TWIST1: variants seen among roughly 807,000 people sequenced by gnomAD.
TWIST1 encodes the protein twist family bHLH transcription factor 1.
TWIST1 carries 8 observed loss-of-function variants against 12.9 expected under a neutral mutation model. That is an observed-to-expected ratio of 0.62 (90% CI 0.37 to 1.12). The LOEUF is 1.12. Among genes scored for constraint, TWIST1 ranks in the 50% most tolerant of loss-of-function variants. The pLI, the probability that TWIST1 is intolerant of heterozygous loss-of-function variation, is 0.02. For synonymous variants in TWIST1, 169 were observed against 138.7 expected, an observed-to-expected ratio of 1.22 and a Z score of -1.54; for missense variants, 268 against 299.7, an observed-to-expected ratio of 0.89 and a Z score of 0.78.
In TWIST1 at chr7:19,116,797, G is replaced by A. The variant is rs1788577845; in HGVS notation, c.525C>T (p.Cys175=). Residue 175 remains cysteine, a synonymous_variant, in exon 1 of 2, where the codon TGC becomes TGT. Coordinates refer to ENST00000242261, the MANE Select transcript of TWIST1 (RefSeq NM_000474.4). ...TGAGCCGCTCGTGAGCCACATAGCT[G>A]CAGCTTGCCATCTTGGAGTCCAGCT... The part of the protein sequence containing the change: ...SDELDSKMAS[C]SYVAHERLSY... 1.9e-6 allele frequency: 3 copies of A among 1,614,088 alleles called. No individual in the cohort carries two copies. The highest frequency in any genetic ancestry group is 4.5e-5 in the East Asian group (2 of 44,874).
Position 19,117,505 on chromosome 7 carries a change from G to T in TWIST1, c.-184C>A. ...GCGCGCGGGGGAGGCGGGGAGGGAG[G>T]CGGGAGGGGGAGGGGACGGTGTGGA... On this transcript the variant is annotated 5_prime_UTR_variant, in exon 1 of 2. Transcript: ENST00000242261. 8.4e-7 allele frequency: 1 copy of T among 1,191,340 alleles called. No individual in the cohort carries two copies. The highest frequency in any genetic ancestry group is 1.0e-6 in the Non-Finnish European group (1 of 953,546). 73.8% of individuals were successfully genotyped at this position (1,191,340 alleles called of 1,614,324 possible). A position where few individuals can be genotyped will look rare whatever the true frequency, so the allele number is the denominator to read the frequency against.
At position 19,117,537 on chromosome 7, in the gene TWIST1, C is replaced by G. The variant is rs1223676458; in HGVS notation, c.-216G>C. On this transcript the variant is annotated 5_prime_UTR_variant, in exon 1 of 2. Coordinates refer to ENST00000242261, the MANE Select transcript of TWIST1 (RefSeq NM_000474.4). ...GGGGAGGGGACGGTGTGGATGGCCC[C>G]GAGGTCCAAAAAGAAAGCGCCCAAC... 2.8e-5 allele frequency: 33 copies of G among 1,160,712 alleles called. No homozygotes were observed. The highest frequency in any genetic ancestry group is 3.3e-5 in the Non-Finnish European group (31 of 933,106). The allele number at this position is 1,160,712 out of a possible 1,614,324, so 71.9% of individuals were successfully genotyped here.
chr7:19,113,078 T>C (rs1788501644), downstream of TWIST1: 1 of 152,216 alleles, frequency 6.6e-6, no homozygotes, highest in Non-Finnish European at 1.5e-5. Context: ...TTATTAATAA[T>C]ACGTTCCACT....
chr7:19,113,620 G>A (rs570847958), downstream of TWIST1: 3 of 152,026 alleles, frequency 2.0e-5, no homozygotes, highest in African/African-American at 4.8e-5. Context: ...TTGTGCAGTC[G>A]CCTCATTCAA....
chr7:19,116,468 C>T (rs946644286), intron 1 of TWIST1, among the ~76,000 whole-genome samples: 1 of 152,308 alleles, frequency 6.6e-6, no homozygotes, highest in African/African-American at 2.4e-5. Context: ...CAGGGCGCAT[C>T]CCCCTGGAGA....
chr7:19,117,394 T>C lies in TWIST1; in HGVS notation c.-73A>G, dbSNP rs944853168. On this transcript the variant is annotated 5_prime_UTR_variant, in exon 1 of 2. Coordinates refer to ENST00000242261, the MANE Select transcript of TWIST1 (RefSeq NM_000474.4). ...GAGCGGGGCGCCTCAGCCCGCCAGC[T>C]TCCCCCGCGCGCGGCGCCGGCCCGG... is the stretch of plus-strand genomic sequence containing the variant. 3.9e-5 allele frequency: 51 copies of C among 1,298,166 alleles called. No homozygotes were observed. The highest frequency in any genetic ancestry group is 4.6e-5 in the Non-Finnish European group (47 of 1,018,378). The allele number at this position is 1,298,166 out of a possible 1,614,324, so 80.4% of individuals were successfully genotyped here.
In TWIST1 at chr7:19,116,971, C is replaced by T. The variant is rs1323849138; in HGVS notation, c.351G>A (p.Glu117=). ...QTQRVMANVR[E]RQRTQSLNEA... Reference sequence around the variant, plus strand: ...CGTTCAGCGACTGGGTGCGCTGGCGCTCCCGCACGTTGGCCATGACCCGCT... The same window carrying T: ...CGTTCAGCGACTGGGTGCGCTGGCGTTCCCGCACGTTGGCCATGACCCGCT... The change falls in exon 1 of 2, where the codon GAG becomes GAA. Residue 117 remains glutamate, a synonymous_variant. Coordinates refer to ENST00000242261, the MANE Select transcript of TWIST1 (RefSeq NM_000474.4). 4 of 1,612,718 alleles carry T rather than the reference C, an allele frequency of 2.5e-6. No homozygotes were observed. Among genetic ancestry groups the T allele is most frequent in the Admixed American group, 1.7e-5 (1 of 59,978 alleles).
Position 19,117,182 on chromosome 7 carries a change from C to T in TWIST1, c.140G>A (p.Gly47Asp), listed in dbSNP as rs927996258. Residue 47 changes from glycine (G) to aspartate (D), a missense_variant, in exon 1 of 2, where the codon GGC becomes GAC. Physicochemically the swap from Gly to Asp is moderately conservative, Grantham distance 94 (BLOSUM62 -1). Coordinates refer to ENST00000242261, the MANE Select transcript of TWIST1 (RefSeq NM_000474.4). ...RKRRSSRRSA[G>D]GGAGPGGAAG... ...GGCTCCGCCGGGCCCCGCGCCGCCG[C>T]CCGCGCTGCGCCTGCTGCTGCGCCG... The T allele has an allele frequency of 7.0e-6, 8 of 1,146,360 alleles. No homozygotes were observed. The African/African-American group carries it at 1.3e-4, about 19-fold the overall frequency. 71.0% of individuals were successfully genotyped at this position (1,146,360 alleles called of 1,614,324 possible). A position where few individuals can be genotyped will look rare whatever the true frequency, so the allele number is the denominator to read the frequency against.
rs759696143 is a variant in TWIST1 at position 19,117,039 on chromosome 7, TGCTGCTGCCGCCGCCGCC to T, written c.265_282del (p.Gly89_Ser94del). 1.2e-5 allele frequency: 17 copies of T among 1,463,192 alleles called. No homozygotes were observed. The highest frequency in any genetic ancestry group is 1.5e-5 in the Non-Finnish European group (17 of 1,119,552). The allele number at this position is 1,463,192 out of a possible 1,614,324, so 90.6% of individuals were successfully genotyped here. A position where few individuals can be genotyped will look rare whatever the true frequency, so the allele number is the denominator to read the frequency against. On this transcript the variant is annotated inframe_deletion, in exon 1 of 2. Coordinates refer to ENST00000242261, the MANE Select transcript of TWIST1 (RefSeq NM_000474.4). ...TAAGACTGCGGACTCCCGCCGCCGCTGCTGCTGCCGCCGCCGCCGCCCGCGCCGCCGCCGCCGCCACAG... is the reference window on the plus strand; with the variant it reads ...TAAGACTGCGGACTCCCGCCGCCGCTGCCCGCGCCGCCGCCGCCGCCACAG...
chr7:19,116,899 G>A lies in TWIST1; in HGVS notation c.423C>T (p.Asp141=). The part of the protein sequence containing the change: ...LRKIIPTLPS[D]KLSKIQTLKL... ...TGAGGGTCTGAATCTTGCTCAGCTT[G>A]TCCGAGGGCAGCGTGGGGATGATCT... Residue 141 remains aspartate (D), a synonymous_variant, in exon 1 of 2, where the codon GAC becomes GAT. Transcript: ENST00000242261. 6.2e-7 allele frequency: 1 copy of A among 1,614,156 alleles called. No homozygotes were observed. The highest frequency in any genetic ancestry group is 8.5e-7 in the Non-Finnish European group (1 of 1,180,002).
At position 19,117,205 on chromosome 7, in the gene TWIST1, C is replaced by CCGCTTGCGTCCCCCG; in HGVS notation, c.102_116dup (p.Gly35_Arg39dup). ...CGCCCGCGCTGCGCCTGCTGCTGCG[C>CCGCTTGCGTCCCCCG]CGCTTGCGTCCCCCGCGCTTGCCGC... On this transcript the variant is annotated inframe_insertion, in exon 1 of 2. Transcript: ENST00000242261. 2 of 1,362,236 alleles carry CCGCTTGCGTCCCCCG rather than the reference C, an allele frequency of 1.5e-6. No individual in the cohort carries two copies. Among genetic ancestry groups the CCGCTTGCGTCCCCCG allele is most frequent in the Non-Finnish European group, 1.9e-6 (2 of 1,049,548 alleles). The allele number at this position is 1,362,236 out of a possible 1,614,324, so 84.4% of individuals were successfully genotyped here.
chr7:19,117,432 G>T lies in TWIST1; in HGVS notation c.-111C>A, dbSNP rs1022055549. ...GGCGCCGGCCCGGGCGATGCGGCCCGCGGAGGAGAGAGCAGGAGGACGGAC... is the reference window on the plus strand; with the variant it reads ...GGCGCCGGCCCGGGCGATGCGGCCCTCGGAGGAGAGAGCAGGAGGACGGAC... On this transcript the variant is annotated 5_prime_UTR_variant, in exon 1 of 2. Coordinates refer to ENST00000242261, the MANE Select transcript of TWIST1 (RefSeq NM_000474.4). 1.7e-6 allele frequency: 2 copies of T among 1,209,906 alleles called. No individual in the cohort carries two copies. Among genetic ancestry groups the T allele is most frequent in the African/African-American group, 1.6e-5 (1 of 61,954 alleles). The allele number at this position is 1,209,906 out of a possible 1,614,324, so 74.9% of individuals were successfully genotyped here.
chr7:19,117,300 A>C lies in TWIST1; in HGVS notation c.22T>G (p.Ser8Ala). Residue 8 changes from serine to alanine, a missense_variant, in exon 1 of 2, where the codon TCG (serine) becomes GCG (alanine). Ser to Ala is a moderately conservative substitution (Grantham distance 99). Coordinates refer to ENST00000242261, the MANE Select transcript of TWIST1 (RefSeq NM_000474.4). ...CTGTCGTCGGCCGGCGAGACTGGCG[A>C]GCTGGACACGTCCTGCATCATCTCT... MMQDVSS[S>A]PVSPADDSLS... The C allele has an allele frequency of 6.8e-7, 1 of 1,475,770 alleles. No individual in the cohort carries two copies. The highest frequency in any genetic ancestry group is 9.0e-7 in the Non-Finnish European group (1 of 1,116,902). The allele number at this position is 1,475,770 out of a possible 1,614,324, so 91.4% of individuals were successfully genotyped here.
rs753969715 is a variant in TWIST1 at position 19,115,642 on chromosome 7, C to T, written c.*532G>A. ...TTTTAAGTTTTTTTTTGTTTTTCCC[C>T]TCAGAGGAAGGATGAAAAAAAGAAT... On this transcript the variant is annotated 3_prime_UTR_variant, in exon 2 of 2. Coordinates refer to ENST00000242261, the MANE Select transcript of TWIST1 (RefSeq NM_000474.4). The T allele has an allele frequency of 1.2e-4, 18 of 151,530 alleles. No individual in the cohort carries two copies. The highest frequency in any genetic ancestry group is 2.2e-4 in the Non-Finnish European group (15 of 67,866). The allele number at this position is 151,530 out of a possible 1,614,324, so 9.4% of individuals were successfully genotyped here. A position where few individuals can be genotyped will look rare whatever the true frequency, so the allele number is the denominator to read the frequency against.
At chr7:19,116,417 C>T (rs549979233) in intron 1 of TWIST1, among the ~76,000 whole-genome samples, 32 of 152,286 alleles carry the variant, frequency 2.1e-4, no homozygotes, top group African/African-American at 7.0e-4. Context: ...TCTCTGTCTC[C>T]CCTCCTGTCA....
rs570329177 is a variant in TWIST1, at chr7:19,117,425, G to A, written c.-104C>T. 6 of 1,211,084 alleles carry A rather than the reference G, an allele frequency of 5.0e-6. No homozygotes were observed. In the South Asian group the frequency reaches 1.6e-4, roughly 32 times the overall value. 75.0% of individuals were successfully genotyped at this position (1,211,084 alleles called of 1,614,324 possible). A position where few individuals can be genotyped will look rare whatever the true frequency, so the allele number is the denominator to read the frequency against. The stretch of plus-strand genomic sequence containing the variant: ...CGCGCGCGGCGCCGGCCCGGGCGAT[G>A]CGGCCCGCGGAGGAGAGAGCAGGAG... On this transcript the variant is annotated 5_prime_UTR_variant, in exon 1 of 2. Coordinates refer to ENST00000242261, the MANE Select transcript of TWIST1 (RefSeq NM_000474.4).
rs753401350 is a variant in TWIST1 at position 19,116,669 on chromosome 7, A to AC, written c.*42+1dup. 6.4e-7 allele frequency: 1 copy of AC among 1,560,198 alleles called. No homozygotes were observed. Among genetic ancestry groups the AC allele is most frequent in the Non-Finnish European group, 8.7e-7 (1 of 1,154,804 alleles). ...GAAGGGGTGCAGCGGCGCGGTCCTTACCTAGGTCTCCGGCCCTGCTGAGGG... is the reference window on the plus strand; with the variant it reads ...GAAGGGGTGCAGCGGCGCGGTCCTTACCCTAGGTCTCCGGCCCTGCTGAGGG... On this transcript the variant is annotated splice_donor_variant, in intron 1 of 1. Coordinates refer to ENST00000242261, the MANE Select transcript of TWIST1 (RefSeq NM_000474.4). LOFTEE classifies it low-confidence loss of function (3UTR_SPLICE).
Position 19,116,817 on chromosome 7 carries a change from C to T in TWIST1, c.505G>A (p.Asp169Asn). The T allele has an allele frequency of 6.2e-7, 1 of 1,614,150 alleles. No individual in the cohort carries two copies. The highest frequency in any genetic ancestry group is 8.5e-7 in the Non-Finnish European group (1 of 1,180,016). ...TAGCTGCAGCTTGCCATCTTGGAGTCCAGCTCGTCGCTCTGGAGGACCTGG... is the reference window on the plus strand; with the variant it reads ...TAGCTGCAGCTTGCCATCTTGGAGTTCAGCTCGTCGCTCTGGAGGACCTGG... ...LYQVLQSDEL[D>N]SKMASCSYVA... The change falls in exon 1 of 2, where the codon GAC (aspartate) becomes AAC (asparagine). Residue 169 changes from aspartate to asparagine, a missense_variant. Transcript: ENST00000242261.
rs541418085 is a variant in TWIST1, at chr7:19,117,212, C to A, written c.110G>T (p.Arg37Leu). The change falls in exon 1 of 2, where the codon CGC becomes CTC. Residue 37 changes from arginine (R) to leucine (L), a missense_variant. Coordinates refer to ENST00000242261, the MANE Select transcript of TWIST1 (RefSeq NM_000474.4). ...QQPPSGKRGG[R>L]KRRSSRRSAG... ...GCTGCGCCTGCTGCTGCGCCGCTTG[C>A]GTCCCCCGCGCTTGCCGCTCGGCGG... The A allele has an allele frequency of 1.5e-6, 2 of 1,379,280 alleles. No individual in the cohort carries two copies. The highest frequency in any genetic ancestry group is 1.5e-5 in the African/African-American group (1 of 66,384). 85.4% of individuals were successfully genotyped at this position (1,379,280 alleles called of 1,614,324 possible). A position where few individuals can be genotyped will look rare whatever the true frequency, so the allele number is the denominator to read the frequency against.
Sources: allele counts gnomAD v4.1 joint callset (sites outside exome capture counted in the v4.1 genomes callset), GRCh38; gene constraint gnomAD v4.1.1; transcripts MANE v1.5; gene names NCBI Gene and HGNC (gene_info 2026-07-23, HGNC 2026-07-21).